The following RASA3 variants were observed in gnomAD, a reference collection of about 807,000 sequenced individuals.
RASA3 encodes the protein RAS p21 protein activator 3.
In RASA3, 73 loss-of-function variants were observed where a neutral mutation model predicts 110.0. That is an observed-to-expected ratio of 0.66 (90% CI 0.55 to 0.81). The LOEUF is 0.81. RASA3 is among the 30% of genes least tolerant of loss of function. The pLI is 0.00. For missense variants in RASA3, 976 were observed against 1,113.2 expected (o/e 0.88, Z 1.75); for synonymous variants, 500 against 451.4 (o/e 1.11, Z -1.37).
rs1461474161 is a variant in RASA3, at chr13:114,114,483, G to C, written c.55+17952C>G. Among the ~76,000 whole-genome samples, 1 of 152,192 alleles carries C rather than the reference G, an allele frequency of 6.6e-6. No homozygotes were observed. Among genetic ancestry groups the C allele is most frequent in the African/African-American group, 2.4e-5 (1 of 41,458 alleles). On this transcript the variant is annotated intron_variant, in intron 1 of 23. Transcript: ENST00000334062. The surrounding 1 kb of genome is among the most constrained non-coding windows in gnomAD (Gnocchi z 4.8). The stretch of plus-strand genomic sequence containing the variant: ...CCTTGCACATTTCCTAGCTCTGTCA[G>C]CCAAAGTGAGGTCTGACCACAAAAG...
intron 2 of RASA3, among the ~76,000 whole-genome samples, chr13:114,067,677 A>G (rs949682897): frequency 2.0e-5 from 3 of 152,206 alleles, no homozygotes; most frequent in African/African-American, 7.2e-5. Flanking sequence ...CAGTATGAAC[A>G]GAAAGAAACC....
chr13:114,120,005 C>T (rs2080350732), intron 1 of RASA3, among the ~76,000 whole-genome samples: 1 of 52,904 alleles, frequency 1.9e-5, no homozygotes, highest in Non-Finnish European at 3.5e-5. Context: ...TCGATCAGGG[C>T]CCCCCCTCCT....
rs896059366 is a variant in RASA3, at chr13:114,011,558, C to G, written c.1513-310G>C. On this transcript the variant is annotated intron_variant, in intron 15 of 23. Coordinates refer to ENST00000334062, the MANE Select transcript of RASA3 (RefSeq NM_007368.4). This position sits in a 1 kb window ranked among gnomAD's most constrained non-coding sequence, Gnocchi z 4.8. ...GGGTCATGGCTCTGGGGCGCTGAGT[C>G]TCGGGGTGCTGAGTCTCCTGGCCCT... 1.3e-5 allele frequency among the ~76,000 whole-genome samples: 2 copies of G among 152,128 alleles called. No individual in the cohort carries two copies. The highest frequency in any genetic ancestry group is 4.8e-5 in the African/African-American group (2 of 41,408).
Position 114,008,073 on chromosome 13 carries a change from G to C in RASA3, c.1669-467C>G, listed in dbSNP as rs113032522. Among the ~76,000 whole-genome samples, 11 of 1,154 alleles carry C rather than the reference G, an allele frequency of 9.5e-3. 1 individual carries two copies. Among genetic ancestry groups the C allele is most frequent in the African/African-American group, 0.06 (5 of 84 alleles). The allele number at this position is 1,154 out of a possible 152,430, so 0.8% of individuals were successfully genotyped here. A position where few individuals can be genotyped will look rare whatever the true frequency, so the allele number is the denominator to read the frequency against. On this transcript the variant is annotated intron_variant, in intron 17 of 23. Transcript: ENST00000334062. ...GACTGTGGGGAGGAGCAGAGCCCTG[G>C]GGCCTGGAGGTTGCCCCCACGCACC...
chr13:114,131,128 C>T (rs1434907702), intron 1 of RASA3, among the ~76,000 whole-genome samples: 1 of 152,248 alleles, frequency 6.6e-6, no homozygotes, highest in African/African-American at 2.4e-5. Context: ...AATATCAAGA[C>T]AGTGTCTCAG....
intron 1 of RASA3, among the ~76,000 whole-genome samples, chr13:114,109,203 T>C (rs1156272616): frequency 6.6e-6 from 1 of 152,212 alleles, no homozygotes. Context: ...TCAGGTGGCT[T>C]CATTTTCAGT....
chr13:114,132,457 G>A lies in RASA3; in HGVS notation c.33C>T (p.Phe11=). 3.3e-6 allele frequency: 5 copies of A among 1,524,214 alleles called. No homozygotes were observed. The highest frequency in any genetic ancestry group is 4.4e-6 in the Non-Finnish European group (5 of 1,143,096). 94.4% of individuals were successfully genotyped at this position (1,524,214 alleles called of 1,614,324 possible). A position where few individuals can be genotyped will look rare whatever the true frequency, so the allele number is the denominator to read the frequency against. The change falls in exon 1 of 24, where the codon TTC becomes TTT. Residue 11 remains phenylalanine, a synonymous_variant. Coordinates refer to ENST00000334062, the MANE Select transcript of RASA3 (RefSeq NM_007368.4). The part of the protein sequence containing the change: MAVEDEGLRV[F]QSVKIKIGEA... Reference sequence around the variant, plus strand: ...CACCGATCTTGATCTTCACGCTCTGGAAGACCCGGAGCCCCTCGTCCTCCA... The same window carrying A: ...CACCGATCTTGATCTTCACGCTCTGAAAGACCCGGAGCCCCTCGTCCTCCA...
At position 114,020,189 on chromosome 13, in the gene RASA3, C is replaced by T. The variant is rs9562199; in HGVS notation, c.785+1215G>A. Reference sequence around the variant, plus strand: ...CCTGTGTCCGAGGCATTAGCCCCCGCCAGGTGGGTGGAGCCTGTGTCCGAG... The same window carrying T: ...CCTGTGTCCGAGGCATTAGCCCCCGTCAGGTGGGTGGAGCCTGTGTCCGAG... On this transcript the variant is annotated intron_variant, in intron 9 of 23. Transcript: ENST00000334062. Among the ~76,000 whole-genome samples, 148 of 25,866 alleles carry T rather than the reference C, an allele frequency of 5.7e-3. 52 individuals carry two copies. Among genetic ancestry groups the T allele is most frequent in the African/African-American group, 0.027 (114 of 4,196 alleles). 17.0% of individuals were successfully genotyped at this position (25,866 alleles called of 152,430 possible). A position where few individuals can be genotyped will look rare whatever the true frequency, so the allele number is the denominator to read the frequency against.
chr13:113,999,184 C>T (rs1174745729), intron 20 of RASA3, among the ~76,000 whole-genome samples: 1 of 152,202 alleles, frequency 6.6e-6, no homozygotes, highest in Non-Finnish European at 1.5e-5. Flanking sequence ...ACTTGTTCTA[C>T]TCGTGCAACT....
chr13:113,998,699 G>T (rs1473974264), intron 20 of RASA3, among the ~76,000 whole-genome samples: 1 of 152,232 alleles, frequency 6.6e-6, no homozygotes, highest in Non-Finnish European at 1.5e-5. Flanking sequence ...ATCAGAACCT[G>T]CCACGTCGGC....
intron 2 of RASA3, 47 bp downstream of exon 2, chr13:114,073,673 A>T (rs765690987): frequency 4.8e-6 from 7 of 1,470,104 alleles, no homozygotes; most frequent in Non-Finnish European, 6.7e-6. Flanking sequence ...CATTCTCTAC[A>T]CCAAAGAAAA....
rs146396160 is a variant in RASA3 at position 114,034,446 on chromosome 13, G to A, written c.373-4559C>T. 4.5e-3 allele frequency among the ~76,000 whole-genome samples: 683 copies of A among 152,210 alleles called. 3 individuals carry two copies. The highest frequency in any genetic ancestry group is 0.016 in the African/African-American group (650 of 41,508). ...GTGCTCTCCCGGCCCCTGGCAGCAG[G>A]CTGTGCGGCCCCCGTGTGCTCTCCC... is the stretch of plus-strand genomic sequence containing the variant. On this transcript the variant is annotated intron_variant, in intron 4 of 23. Coordinates refer to ENST00000334062, the MANE Select transcript of RASA3 (RefSeq NM_007368.4).
chr13:114,130,083 G>A (rs2139809165), intron 1 of RASA3, among the ~76,000 whole-genome samples: 1 of 152,306 alleles, frequency 6.6e-6, no homozygotes, highest in South Asian at 2.1e-4. Context: ...CTTTCTGCTG[G>A]AGCCCCGGGG....
chr13:114,077,236 G>A (rs1005839123), intron 1 of RASA3, among the ~76,000 whole-genome samples: 30 of 152,184 alleles, frequency 2.0e-4, no homozygotes, highest in African/African-American at 5.1e-4. Context: ...GACGCCGTAC[G>A]ACATGAAAAG....
At chr13:114,107,985 G>T (rs926389364) in intron 1 of RASA3, among the ~76,000 whole-genome samples, 21 of 152,018 alleles carry the variant, frequency 1.4e-4, no homozygotes, top group Non-Finnish European at 2.4e-4. Context: ...CGGCATGGTG[G>T]GGGTGGCCCT....
rs370910041 is a variant in RASA3, at chr13:113,990,777, CAT to C, written c.2245+1706_2245+1707del. The stretch of plus-strand genomic sequence containing the variant: ...TGTGAGCGTGTTGTGTTCAACTGCA[CAT>C]GTGTGCAGGTATTGTTGCCTTGCCT... On this transcript the variant is annotated intron_variant, in intron 22 of 23. Coordinates refer to ENST00000334062, the MANE Select transcript of RASA3 (RefSeq NM_007368.4). Among the ~76,000 whole-genome samples the C allele has an allele frequency of 2.1e-3, 314 of 152,350 alleles. 2 individuals carry two copies. The highest frequency in any genetic ancestry group is 6.8e-3 in the African/African-American group (281 of 41,574).
At chr13:113,992,431 G>T in intron 22 of RASA3, 54 bp downstream of exon 22, 1 of 1,438,428 alleles carries the variant, frequency 7.0e-7, no homozygotes, top group South Asian at 1.2e-5. Context: ...CCTGAGGCCG[G>T]GGCCTCGCCA....
chr13:114,019,671 C>T (rs1161232403), intron 9 of RASA3, among the ~76,000 whole-genome samples: 5 of 149,478 alleles, frequency 3.3e-5, no homozygotes, highest in African/African-American at 1.2e-4. Context: ...TAGATCCCCC[C>T]TCAGATGGAT....
intron 1 of RASA3, among the ~76,000 whole-genome samples, chr13:114,088,004 G>A (rs184137760): frequency 2.6e-5 from 4 of 152,242 alleles, no homozygotes; most frequent in East Asian, 1.9e-4. Context: ...GGTGGCGCAC[G>A]CCTGTAGTCC....
Sources: gnomAD v4.1 joint callset for allele counts (sites outside exome capture counted in the v4.1 genomes callset) on GRCh38, gnomAD v4.1.1 for gene constraint, Gnocchi (gnomAD v3.1) non-coding constraint, MANE v1.5 for transcripts, NCBI Gene and HGNC (gene_info 2026-07-23, HGNC 2026-07-21) for gene names.